PDE3A: variants seen among roughly 807,000 people sequenced by gnomAD.
PDE3A encodes the protein cGMP-inhibited 3',5'-cyclic phosphodiesterase 3A.
A neutral mutation model predicts 98.3 loss-of-function variants in PDE3A; 43 were observed. That is an observed-to-expected ratio of 0.44 (90% CI 0.34 to 0.56). The LOEUF is 0.56. Among genes scored for constraint, PDE3A ranks in the 20% least tolerant of loss-of-function variants. The pLI is 0.01. For missense variants in PDE3A, 1,427 were observed against 1,440.7 expected, an observed-to-expected ratio of 0.99 and a Z score of 0.15; for synonymous variants, 663 against 567.9, an observed-to-expected ratio of 1.17 and a Z score of -2.38.
intron 5 of PDE3A, among the ~76,000 whole-genome samples, chr12:20,623,213 A>G (rs1944178128): frequency 1.3e-5 from 2 of 152,170 alleles, no homozygotes; most frequent in South Asian, 4.2e-4. Flanking sequence ...AGTATAATAG[A>G]TTTTAGGAGA....
chr12:20,472,615 A>C (rs1945458182), intron 1 of PDE3A, among the ~76,000 whole-genome samples: 1 of 152,164 alleles, frequency 6.6e-6, no homozygotes, highest in South Asian at 2.1e-4. Context: ...AACTCATCTT[A>C]AGAACTATTT....
At chr12:20,499,693 T>G (rs1334858553) in intron 1 of PDE3A, among the ~76,000 whole-genome samples, 1 of 152,206 alleles carries the variant, frequency 6.6e-6, no homozygotes, top group Admixed American at 6.6e-5. Context: ...CTTGTTATTT[T>G]ATTGAAGTAC....
intron 1 of PDE3A, among the ~76,000 whole-genome samples, chr12:20,523,757 A>G (rs887596598): frequency 5.9e-5 from 9 of 152,220 alleles, no homozygotes; most frequent in African/African-American, 2.2e-4. Context: ...TGATGTAGGA[A>G]TGTATCACTT....
chr12:20,394,997 A>G (rs1943982601), intron 1 of PDE3A, among the ~76,000 whole-genome samples: 2 of 152,094 alleles, frequency 1.3e-5, no homozygotes, highest in South Asian at 4.1e-4. Context: ...CATACTCCAT[A>G]TGGAAAGAAG....
intron 1 of PDE3A, among the ~76,000 whole-genome samples, chr12:20,545,319 A>G (rs1399946794): frequency 6.6e-6 from 1 of 152,052 alleles, no homozygotes; most frequent in African/African-American, 2.4e-5. Context: ...GAGAAATTGT[A>G]GTAGAGAGGC....
At chr12:20,644,223 T>A (rs1234132676) in intron 10 of PDE3A, among the ~76,000 whole-genome samples, 1 of 152,164 alleles carries the variant, frequency 6.6e-6, no homozygotes, top group East Asian at 1.9e-4. Context: ...AGGCAGAAGA[T>A]ATTTTATTTT....
intron 1 of PDE3A, among the ~76,000 whole-genome samples, chr12:20,373,049 T>C (rs74566111): frequency 0.036 from 5,413 of 152,214 alleles, 302 homozygotes; most frequent in African/African-American, 0.12. Flanking sequence ...CTCCCTTTTT[T>C]TCTTTCAAGA....
chr12:20,556,741 T>C, intron 2 of PDE3A, 31 bp downstream of exon 2: 1 of 1,555,098 alleles, frequency 6.4e-7, no homozygotes, highest in African/African-American at 1.4e-5. Flanking sequence ...TTTTTCACGT[T>C]TCGTTTCGTA....
At chr12:20,491,911 A>G (rs561303506) in intron 1 of PDE3A, among the ~76,000 whole-genome samples, 5 of 152,340 alleles carry the variant, frequency 3.3e-5, no homozygotes, top group Admixed American at 2.6e-4. Context: ...TTGTAGAACT[A>G]TAAAATATAC....
chr12:20,411,623 A>T (rs1944334220), intron 1 of PDE3A, among the ~76,000 whole-genome samples: 1 of 151,668 alleles, frequency 6.6e-6, no homozygotes, highest in Non-Finnish European at 1.5e-5. Flanking sequence ...GTCTCTGGAG[A>T]TTCCCTCCCT....
At chr12:20,638,656 G>T (rs970145657) in intron 9 of PDE3A, among the ~76,000 whole-genome samples, 1 of 152,084 alleles carries the variant, frequency 6.6e-6, no homozygotes, top group Non-Finnish European at 1.5e-5. Context: ...CAACTTTGAG[G>T]GAGTGATCTT....
At chr12:20,604,393 C>T (rs1163876327) in intron 2 of PDE3A, among the ~76,000 whole-genome samples, 2 of 152,082 alleles carry the variant, frequency 1.3e-5, no homozygotes, top group African/African-American at 2.4e-5. Context: ...AAAACTTTCT[C>T]TTATATCCCA....
intron 1 of PDE3A, among the ~76,000 whole-genome samples, chr12:20,381,156 C>G (rs536013284): frequency 3.3e-5 from 5 of 151,922 alleles, no homozygotes; most frequent in Admixed American, 1.3e-4. Flanking sequence ...AGAGCTACAG[C>G]TAGAGCTTTT....
chr12:20,464,604 C>T (rs565657367), intron 1 of PDE3A, among the ~76,000 whole-genome samples: 2 of 152,168 alleles, frequency 1.3e-5, no homozygotes, highest in South Asian at 2.1e-4. Flanking sequence ...TTACCGTGAG[C>T]TGAATCATGA....
intron 1 of PDE3A, among the ~76,000 whole-genome samples, chr12:20,475,186 T>A (rs1406273841): frequency 6.9e-6 from 1 of 145,322 alleles, no homozygotes; most frequent in Non-Finnish European, 1.5e-5. Context: ...TGAGTGTGTG[T>A]GTGTGTGTGT....
Position 20,392,794 on chromosome 12 carries a change from G to A in PDE3A, c.960+22550G>A, listed in dbSNP as rs183566304. Among the ~76,000 whole-genome samples, 8 of 152,114 alleles carry A rather than the reference G, an allele frequency of 5.3e-5. No homozygotes were observed. In the East Asian group the frequency reaches 1.4e-3, roughly 26 times the overall value. ...TATAAACACAATGGAATACTATTCA[G>A]CCTTAAAAAGAATGTAATACTGTCA... On this transcript the variant is annotated intron_variant, in intron 1 of 15. Coordinates refer to ENST00000359062, the MANE Select transcript of PDE3A (RefSeq NM_000921.5).
chr12:20,447,814 G>A (rs750203946), intron 1 of PDE3A, among the ~76,000 whole-genome samples: 35 of 152,278 alleles, frequency 2.3e-4, no homozygotes, highest in Non-Finnish European at 4.7e-4. Flanking sequence ...CTGGTTGGTC[G>A]AAATACAGGT....
At chr12:20,380,629 A>G (rs1943647387) in intron 1 of PDE3A, among the ~76,000 whole-genome samples, 1 of 151,778 alleles carries the variant, frequency 6.6e-6, no homozygotes, top group South Asian at 2.1e-4. Flanking sequence ...TAGGAATACA[A>G]TATTTAGGAA....
intron 1 of PDE3A, among the ~76,000 whole-genome samples, chr12:20,518,351 A>G (rs1435467844): frequency 6.6e-6 from 1 of 152,122 alleles, no homozygotes; most frequent in Non-Finnish European, 1.5e-5. Flanking sequence ...TGCTATGACA[A>G]TGACTGAACT....
Sources: allele counts gnomAD v4.1 joint callset (sites outside exome capture counted in the v4.1 genomes callset), GRCh38; gene constraint gnomAD v4.1.1; transcripts MANE v1.5; gene names NCBI Gene and HGNC (gene_info 2026-07-23, HGNC 2026-07-21).